Variants in CCDC3 observed in about 807,000 individuals in gnomAD.
CCDC3 encodes coiled-coil domain-containing protein 3.
CCDC3 carries 24 observed loss-of-function variants against 21.4 expected under a neutral mutation model. The observed-to-expected ratio is 1.12, with a 90% CI of 0.81 to 1.58. The LOEUF is 1.58. CCDC3 is among the 40% of genes most tolerant of loss of function. CCDC3 has a pLI of 0.00. For synonymous variants in CCDC3, 186 were observed against 166.0 expected (o/e 1.12, Z -0.93); for missense variants, 425 against 360.9 (o/e 1.18, Z -1.44).
intron 4 of CCDC3, among the ~76,000 whole-genome samples, chr10:13,056,771 A>T (rs1836686112): frequency 6.6e-6 from 1 of 152,214 alleles, no homozygotes; most frequent in African/African-American, 2.4e-5. Flanking sequence ...TCGGTTTGGT[A>T]ACCATAGGAG....
intron 4 of CCDC3, among the ~76,000 whole-genome samples, chr10:13,051,751 G>A (rs1836610480): frequency 6.6e-6 from 1 of 152,054 alleles, no homozygotes; most frequent in East Asian, 1.9e-4. Flanking sequence ...TGAGACAGGT[G>A]AGAATCAGCG....
intron 2 of CCDC3, among the ~76,000 whole-genome samples, chr10:12,929,283 G>T (rs1220131024): frequency 1.7e-5 from 2 of 118,900 alleles, no homozygotes; most frequent in South Asian, 2.8e-4. Flanking sequence ...AAAAAAAAAA[G>T]AACAGAATAG....
intron 5 of CCDC3, among the ~76,000 whole-genome samples, chr10:13,022,547 C>T (rs557116256): frequency 3.9e-5 from 6 of 152,258 alleles, no homozygotes; most frequent in Non-Finnish European, 5.9e-5. Context: ...TTTGCCATTA[C>T]TTTTAATGGC....
intron 4 of CCDC3, among the ~76,000 whole-genome samples, chr10:13,071,965 C>T (rs1836887665): frequency 1.3e-5 from 2 of 152,160 alleles, no homozygotes; most frequent in African/African-American, 4.8e-5. Context: ...ATTTCCTAAA[C>T]CTTAGGCTGG....
intron 2 of CCDC3, among the ~76,000 whole-genome samples, chr10:12,938,811 C>T (rs1365447790): frequency 6.6e-6 from 1 of 152,176 alleles, no homozygotes; most frequent in Non-Finnish European, 1.5e-5. Context: ...TGCCTCCTTC[C>T]CTATCCAGCC....
intron 5 of CCDC3, among the ~76,000 whole-genome samples, chr10:13,036,575 A>G (rs981011399): frequency 3.3e-5 from 5 of 152,018 alleles, no homozygotes; most frequent in Non-Finnish European, 7.4e-5. Context: ...ACCTCTGCCT[A>G]ATGGGTTCAA....
chr10:12,943,533 T>C (rs11258072), intron 2 of CCDC3, among the ~76,000 whole-genome samples: 19,592 of 152,214 alleles, frequency 0.13, 1,348 homozygotes, highest in African/African-American at 0.19. Flanking sequence ...AAGCCAGGTA[T>C]ATTCAACATG....
At chr10:12,941,617 G>C (rs142031805) in intron 2 of CCDC3, among the ~76,000 whole-genome samples, 1 of 152,170 alleles carries the variant, frequency 6.6e-6, no homozygotes, top group Non-Finnish European at 1.5e-5. Flanking sequence ...ACCAAGAAAA[G>C]ATTAAGATGA....
At chr10:12,986,729 T>TACA (rs1835600387) in intron 2 of CCDC3, among the ~76,000 whole-genome samples, 1 of 149,602 alleles carries the variant, frequency 6.7e-6, no homozygotes, top group Admixed American at 6.7e-5. Context: ...GCCGAGATCG[T>TACA]GCCACTGCAC....
chr10:12,970,319 G>A (rs560465642), intron 2 of CCDC3, among the ~76,000 whole-genome samples: 54 of 152,222 alleles, frequency 3.5e-4, no homozygotes, highest in South Asian at 8.3e-4. Context: ...CAACTTTACC[G>A]TGGGTTCACT....
chr10:12,934,782 A>T (rs1041849140), intron 2 of CCDC3, among the ~76,000 whole-genome samples: 1 of 151,950 alleles, frequency 6.6e-6, no homozygotes, highest in Non-Finnish European at 1.5e-5. Flanking sequence ...ATTAGTGTTG[A>T]CATGGTATGG....
intron 2 of CCDC3, among the ~76,000 whole-genome samples, chr10:12,981,948 C>T (rs1027505599): frequency 1.3e-5 from 2 of 151,556 alleles, no homozygotes; most frequent in African/African-American, 4.9e-5. Context: ...CATGGTGAAA[C>T]CCTGTCTTTA....
At chr10:13,033,161 G>C (rs867571770) in intron 5 of CCDC3, among the ~76,000 whole-genome samples, 1,770 of 152,246 alleles carry the variant, frequency 0.012, 28 homozygotes, top group African/African-American at 0.039. Context: ...CAATGGAACA[G>C]AACAGAGCCC....
At chr10:12,964,066 G>C (rs1259514648) in intron 2 of CCDC3, among the ~76,000 whole-genome samples, 1 of 152,166 alleles carries the variant, frequency 6.6e-6, no homozygotes, top group East Asian at 1.9e-4. Flanking sequence ...AGAGGGAGAA[G>C]TTGCTCATGA....
At chr10:12,963,050 G>A (rs1835204149) in intron 2 of CCDC3, among the ~76,000 whole-genome samples, 1 of 152,140 alleles carries the variant, frequency 6.6e-6, no homozygotes, top group African/African-American at 2.4e-5. Flanking sequence ...ATTTGGTTAA[G>A]AGACCTTGGC....
In CCDC3 at chr10:13,001,352, G is replaced by C; in HGVS notation, c.219C>G (p.Leu73=). The C allele has an allele frequency of 6.2e-7, 1 of 1,601,556 alleles. No homozygotes were observed. The part of the protein sequence containing the change: ...PWQYHAGQGG[L]FYSAEVEMLC... ...GCATCTCGACCTCGGCCGAGTAGAA[G>C]AGGCCCCCCTGGCCGGCGTGGTACT... Residue 73 remains leucine, a synonymous_variant, in exon 1 of 3, where the codon CTC becomes CTG. Coordinates refer to ENST00000378825, the MANE Select transcript of CCDC3 (RefSeq NM_031455.4).
At chr10:13,050,524 G>A (rs1348686009) in intron 4 of CCDC3, among the ~76,000 whole-genome samples, 1 of 139,924 alleles carries the variant, frequency 7.1e-6, no homozygotes, top group Admixed American at 7.8e-5. Context: ...ACAGTGGCAC[G>A]ATCTCAGCTC....
chr10:12,922,166 C>A (rs1419323505), intron 2 of CCDC3, among the ~76,000 whole-genome samples: 5 of 152,232 alleles, frequency 3.3e-5, no homozygotes, highest in Admixed American at 3.3e-4. Context: ...TCTGCCTTTA[C>A]ACACTGACTT....
chr10:13,036,969 G>C (rs1166835466), intron 5 of CCDC3, among the ~76,000 whole-genome samples: 2 of 151,726 alleles, frequency 1.3e-5, no homozygotes, highest in Non-Finnish European at 1.5e-5. Flanking sequence ...ATTTTTTGTA[G>C]AGATAGGGTC....
Sources: gnomAD v4.1 joint callset for allele counts (sites outside exome capture counted in the v4.1 genomes callset) on GRCh38, gnomAD v4.1.1 for gene constraint, MANE v1.5 for transcripts, NCBI Gene and HGNC (gene_info 2026-07-23, HGNC 2026-07-21) for gene names.